Variants in LRP1B observed in about 807,000 individuals in gnomAD.
LRP1B encodes low-density lipoprotein receptor-related protein 1B.
A neutral mutation model predicts 556.6 loss-of-function variants in LRP1B; 217 were observed. That is an observed-to-expected ratio of 0.39 (90% CI 0.35 to 0.44). LRP1B has a LOEUF of 0.44. Among genes scored for constraint, LRP1B ranks in the 20% least tolerant of loss-of-function variants. LRP1B has a pLI of 1.00. For missense variants in LRP1B, 5,053 were observed against 5,620.8 expected, an observed-to-expected ratio of 0.90 and a Z score of 3.23; for synonymous variants, 2,047 against 1,865.8, an observed-to-expected ratio of 1.10 and a Z score of -2.50.
chr2:141,610,813 G>A (rs1389063708), intron 2 of LRP1B, among the ~76,000 whole-genome samples: 5 of 152,100 alleles, frequency 3.3e-5, no homozygotes, highest in African/African-American at 1.2e-4. Context: ...AGGAAAAACC[G>A]GAGCATTGAG....
In LRP1B at chr2:140,291,318, A is replaced by ATATATATATATTTTTTTT. The variant is rs369391920; in HGVS notation, c.12967+6489_12967+6490insAAAAAAAATATATATATA. On this transcript the variant is annotated intron_variant, in intron 84 of 90. Coordinates refer to ENST00000389484, the MANE Select transcript of LRP1B (RefSeq NM_018557.3). ...TTATTTTATATATATATATATATAT[A>ATATATATATATTTTTTTT]TTTTTATTATACTTTAAGTTCTAGG... Among the ~76,000 whole-genome samples, 4 of 109,322 alleles carry ATATATATATATTTTTTTT rather than the reference A, an allele frequency of 3.7e-5. No individual in the cohort carries two copies. In the East Asian group the frequency reaches 8.0e-4, roughly 22 times the overall value. The allele number at this position is 109,322 out of a possible 152,430, so 71.7% of individuals were successfully genotyped here.
At chr2:140,323,555 T>C (rs1680277378) in intron 81 of LRP1B, among the ~76,000 whole-genome samples, 1 of 151,750 alleles carries the variant, frequency 6.6e-6, no homozygotes, top group South Asian at 2.1e-4. Flanking sequence ...TATACATATG[T>C]AACAAACCTG....
intron 17 of LRP1B, among the ~76,000 whole-genome samples, chr2:140,985,913 A>T (rs1525586): frequency 5.9e-5 from 9 of 151,538 alleles, no homozygotes; most frequent in Non-Finnish European, 1.3e-4. Flanking sequence ...TTACATTTGA[A>T]ATTTCCTACA....
intron 2 of LRP1B, among the ~76,000 whole-genome samples, chr2:141,635,247 G>T (rs1043017546): frequency 6.6e-6 from 1 of 152,026 alleles, no homozygotes; most frequent in South Asian, 2.1e-4. Context: ...TTAACTCGAG[G>T]CTTTTAAAAT....
chr2:140,278,414 G>C (rs893636844), intron 84 of LRP1B, among the ~76,000 whole-genome samples: 1 of 151,986 alleles, frequency 6.6e-6, no homozygotes. Context: ...AGCAACCTTA[G>C]AATGTTTTAG....
intron 43 of LRP1B, among the ~76,000 whole-genome samples, chr2:140,554,632 A>T (rs573141796): frequency 8.5e-5 from 13 of 152,196 alleles, no homozygotes; most frequent in Admixed American, 7.9e-4. Context: ...AATAGAGGAT[A>T]TTACAAGAGC....
chr2:140,748,772 TA>T lies in LRP1B; in HGVS notation c.5758+20440del, dbSNP rs374782435. Among the ~76,000 whole-genome samples the T allele has an allele frequency of 1.1e-4, 5 of 46,486 alleles. 2 individuals are homozygous for T. The highest frequency in any genetic ancestry group is 1.6e-4 in the Non-Finnish European group (4 of 24,244). 30.5% of individuals were successfully genotyped at this position (46,486 alleles called of 152,430 possible). A position where few individuals can be genotyped will look rare whatever the true frequency, so the allele number is the denominator to read the frequency against. ...ATGATATATATTATATACATGTATATAATATGTATATAATATATATTATATA... is the reference window on the plus strand; with the variant it reads ...ATGATATATATTATATACATGTATATATATGTATATAATATATATTATATA... On this transcript the variant is annotated intron_variant, in intron 35 of 90. Coordinates refer to ENST00000389484, the MANE Select transcript of LRP1B (RefSeq NM_018557.3).
intron 3 of LRP1B, among the ~76,000 whole-genome samples, chr2:141,334,976 A>G (rs965491396): frequency 6.6e-6 from 1 of 152,238 alleles, no homozygotes; most frequent in Non-Finnish European, 1.5e-5. Context: ...GCTTTCTATC[A>G]TATCTTATAC....
chr2:141,334,419 C>T (rs942021089), intron 3 of LRP1B, among the ~76,000 whole-genome samples: 7 of 152,248 alleles, frequency 4.6e-5, no homozygotes, highest in African/African-American at 1.7e-4. Flanking sequence ...AGCTAAAGCT[C>T]CCTGCGGCCT....
At chr2:142,076,676 T>C (rs545314750) in intron 1 of LRP1B, among the ~76,000 whole-genome samples, 3 of 152,208 alleles carry the variant, frequency 2.0e-5, no homozygotes, top group East Asian at 1.9e-4. Context: ...CATTCAGTAG[T>C]AAGGATTTTT....
Position 140,628,300 on chromosome 2 carries a change from G to C in LRP1B, c.6800-26661C>G, listed in dbSNP as rs140578580. On this transcript the variant is annotated intron_variant, in intron 41 of 90. Transcript: ENST00000389484. ...AATCCCCACACTTTGGGAGGCCGAG[G>C]CGGGAGGATCACGAGGTCAGGAGAT... is the stretch of plus-strand genomic sequence containing the variant. Among the ~76,000 whole-genome samples the C allele has an allele frequency of 5.9e-3, 891 of 152,218 alleles. 4 individuals carry two copies. Among genetic ancestry groups the C allele is most frequent in the Non-Finnish European group, 8.3e-3 (563 of 68,002 alleles).
At chr2:142,116,434 T>C (rs115438288) in intron 1 of LRP1B, among the ~76,000 whole-genome samples, 6,549 of 151,980 alleles carry the variant, frequency 0.043, 222 homozygotes, top group Non-Finnish European at 0.058. Flanking sequence ...GCCCAGGTTA[T>C]AAAAGTAAAT....
At chr2:141,974,565 T>C (rs550215908) in intron 1 of LRP1B, among the ~76,000 whole-genome samples, 186 of 152,148 alleles carry the variant, frequency 1.2e-3, no homozygotes, top group Non-Finnish European at 1.7e-3. Flanking sequence ...GGCCTGAGAA[T>C]GAATGTCAAT....
chr2:141,276,658 C>CTTTCTTTCT (rs61184600), intron 3 of LRP1B, among the ~76,000 whole-genome samples: 1,471 of 122,920 alleles, frequency 0.012, 13 homozygotes, highest in Non-Finnish European at 0.018. Context: ...TTCTTTCTTT[C>CTTTCTTTCT]TTTTTTTTTT....
At chr2:141,178,442 G>A (rs1680837982) in intron 7 of LRP1B, among the ~76,000 whole-genome samples, 1 of 152,118 alleles carries the variant, frequency 6.6e-6, no homozygotes, top group Non-Finnish European at 1.5e-5. Flanking sequence ...CAGGACAGTG[G>A]ATTCAGATAT....
intron 7 of LRP1B, among the ~76,000 whole-genome samples, chr2:141,157,483 T>C (rs1177885709): frequency 6.6e-6 from 1 of 152,108 alleles, no homozygotes; most frequent in Non-Finnish European, 1.5e-5. Context: ...GTCACATGCA[T>C]AGTATCTGCA....
At chr2:141,575,798 C>A (rs1686719978) in intron 2 of LRP1B, among the ~76,000 whole-genome samples, 1 of 146,814 alleles carries the variant, frequency 6.8e-6, no homozygotes, top group African/African-American at 2.5e-5. Context: ...AAGATATGAA[C>A]AGACACTTCT....
chr2:140,587,515 T>C (rs935496667), intron 43 of LRP1B, among the ~76,000 whole-genome samples: 1 of 152,138 alleles, frequency 6.6e-6, no homozygotes, highest in African/African-American at 2.4e-5. Context: ...ACGTGGTATC[T>C]AAAAAGTCAG....
At chr2:141,747,375 G>T (rs912532833) in intron 2 of LRP1B, among the ~76,000 whole-genome samples, 1 of 152,180 alleles carries the variant, frequency 6.6e-6, no homozygotes, top group Non-Finnish European at 1.5e-5. Context: ...TGTTTTGGAA[G>T]ATTATGTAAG....
Sources: gnomAD v4.1 joint callset for allele counts (sites outside exome capture counted in the v4.1 genomes callset) on GRCh38, gnomAD v4.1.1 for gene constraint, MANE v1.5 for transcripts, NCBI Gene and HGNC (gene_info 2026-07-23, HGNC 2026-07-21) for gene names.